Variants in GTF2F1 observed in about 807,000 individuals in gnomAD.
GTF2F1 encodes general transcription factor IIF subunit 1, also known as general transcription factor IIF 74 kDa subunit.
Under a neutral mutation model 63.5 loss-of-function variants are expected in GTF2F1, and 39 were observed. The observed-to-expected ratio is 0.61, with a 90% CI of 0.48 to 0.80. GTF2F1 has a LOEUF of 0.80. GTF2F1 is among the 30% of genes least tolerant of loss of function. The pLI, the probability that GTF2F1 is intolerant of heterozygous loss-of-function variation, is 0.00. For synonymous variants in GTF2F1, 287 were observed against 285.3 expected, an observed-to-expected ratio of 1.01 and a Z score of -0.06; for missense variants, 657 against 718.3, an observed-to-expected ratio of 0.91 and a Z score of 0.97.
In GTF2F1 at chr19:6,381,673, G is replaced by T. The variant is rs368166573; in HGVS notation, c.836+24C>A. 68 of 1,614,052 alleles carry T rather than the reference G, an allele frequency of 4.2e-5. No homozygotes were observed. In the South Asian group the frequency reaches 7.4e-4, roughly 17 times the overall value. ...CGCTCGCGAGGCTGCATGGGGTCTC[G>T]CAGGCGCCTCCCGTCGGCCTCACCT... On this transcript the variant is annotated intron_variant, in intron 7 of 12. Coordinates refer to ENST00000394456, the MANE Select transcript of GTF2F1 (RefSeq NM_002096.3). The surrounding 1 kb of genome is among the most constrained non-coding windows in gnomAD (Gnocchi z 4.1).
intron 3 of GTF2F1, among the ~76,000 whole-genome samples, chr19:6,391,439 G>GTTTTTTTT (rs11340944): frequency 4.6e-5 from 4 of 87,446 alleles, no homozygotes; most frequent in African/African-American, 1.3e-4. Context: ...TGCCATTTCC[G>GTTTTTTTT]TTTTTTTTTT....
rs1568328957 is a variant in GTF2F1 at position 6,381,333 on chromosome 19, C to T, written c.1018+26G>A. 1.3e-6 allele frequency: 2 copies of T among 1,560,042 alleles called. No homozygotes were observed. Among genetic ancestry groups the T allele is most frequent in the Non-Finnish European group, 1.7e-6 (2 of 1,151,942 alleles). ...GGCGCCAGGGCCCGACCCAAGCCTC[C>T]AATATGGGGGCCACATGCGCCGCAC... On this transcript the variant is annotated intron_variant, in intron 9 of 12. Coordinates refer to ENST00000394456, the MANE Select transcript of GTF2F1 (RefSeq NM_002096.3). The surrounding 1 kb of genome is among the most constrained non-coding windows in gnomAD (Gnocchi z 4.1).
rs145481539 is a variant in GTF2F1, at chr19:6,388,820, T to A, written c.326+624A>T. On this transcript the variant is annotated intron_variant, in intron 4 of 12. Transcript: ENST00000394456. ...AAAATTAGCCAGGCATGGTGGGGCG[T>A]GCCTATAGTCCCAGCTACTCAGGAT... is the stretch of plus-strand genomic sequence containing the variant. Among the ~76,000 whole-genome samples the A allele has an allele frequency of 8.4e-3, 1,276 of 152,200 alleles. 17 individuals are homozygous for A. The highest frequency in any genetic ancestry group is 0.029 in the African/African-American group (1,209 of 41,512).
chr19:6,385,562 C>G (rs575153962), intron 5 of GTF2F1, among the ~76,000 whole-genome samples: 1 of 152,114 alleles, frequency 6.6e-6, no homozygotes, highest in East Asian at 1.9e-4. Context: ...AATGATTGAT[C>G]GACTGATTTT....
In GTF2F1 at chr19:6,380,703, G is replaced by A; in HGVS notation, c.1232-13C>T. 1 of 1,608,044 alleles carries A rather than the reference G, an allele frequency of 6.2e-7. No homozygotes were observed. The highest frequency in any genetic ancestry group is 1.7e-4 in the Middle Eastern group (1 of 5,854). The stretch of plus-strand genomic sequence containing the variant: ...CTCACCCGCTTCCCTGTGGGAGTGG[G>A]GTCAGGGCTGAGTCTTGCAGGCAGG... On this transcript the variant is annotated splice_polypyrimidine_tract_variant and intron_variant, in intron 11 of 12. Transcript: ENST00000394456. The surrounding 1 kb of genome is among the most constrained non-coding windows in gnomAD (Gnocchi z 5.3).
In GTF2F1 at chr19:6,381,087, G is replaced by A. The variant is rs199758892; in HGVS notation, c.1092+35C>T. The A allele has an allele frequency of 5.6e-4, 906 of 1,605,346 alleles. 6 individuals are homozygous for A. The African/African-American group carries it at 9.8e-3, about 17-fold the overall frequency. ...GAGGTGGGTGAGTCTGCAAACAGAC[G>A]CCCAGGCCTCCCCCGCCACCGGGCT... is the stretch of plus-strand genomic sequence containing the variant. On this transcript the variant is annotated intron_variant, in intron 10 of 12. Coordinates refer to ENST00000394456, the MANE Select transcript of GTF2F1 (RefSeq NM_002096.3). The surrounding 1 kb of genome is among the most constrained non-coding windows in gnomAD (Gnocchi z 4.1).
rs2092008769 is a variant in GTF2F1, at chr19:6,393,115, G to A, written c.-120C>T. On this transcript the variant is annotated 5_prime_UTR_variant, in exon 1 of 13. Transcript: ENST00000394456. ...GTGTCGGGTCTCTGTGCCTGAGCGA[G>A]GACCCCAACCCTAGGCGCCTCTGGC... 4 of 1,336,296 alleles carry A rather than the reference G, an allele frequency of 3.0e-6. No homozygotes were observed. The highest frequency in any genetic ancestry group is 2.9e-5 in the African/African-American group (2 of 69,150). 82.8% of individuals were successfully genotyped at this position (1,336,296 alleles called of 1,614,324 possible). A position where few individuals can be genotyped will look rare whatever the true frequency, so the allele number is the denominator to read the frequency against.
At chr19:6,390,700 C>T (rs960441816) in intron 3 of GTF2F1, among the ~76,000 whole-genome samples, 8 of 150,486 alleles carry the variant, frequency 5.3e-5, no homozygotes, top group African/African-American at 1.2e-4. Flanking sequence ...ACCAACATGG[C>T]GAAACTTCGT....
chr19:6,391,499 C>T (rs2091997780), intron 3 of GTF2F1, among the ~76,000 whole-genome samples: 1 of 125,004 alleles, frequency 8.0e-6, no homozygotes, highest in Admixed American at 1.1e-4. Flanking sequence ...GTTATCCAGG[C>T]TGGAGTGCAG....
chr19:6,387,279 C>T (rs946219261), intron 5 of GTF2F1, 110 bp downstream of exon 5: 1 of 1,059,286 alleles, frequency 9.4e-7, no homozygotes, highest in Non-Finnish European at 1.4e-6. Flanking sequence ...TGGGGTCTGC[C>T]CTGGTTACCC....
chr19:6,383,443 C>T lies in GTF2F1; in HGVS notation c.550G>A (p.Asp184Asn). ...TCCTCATCCTCGTCCTGGTCCTGAT[C>T]CTTGAGCCGCCGCTGCTGCATGATG... ...FSIMQQRRLK[D>N]QDQDEDEEEK... is the part of the protein sequence containing the mutation. The change falls in exon 6 of 13, where the codon GAT becomes AAT. Residue 184 changes from aspartate to asparagine, a missense_variant. Around this residue, in one of 2 missense-constraint regions of GTF2F1, gnomAD observed 602 missense variants for 625.6 expected, o/e 0.96. Transcript: ENST00000394456. The surrounding 1 kb of genome is among the most constrained non-coding windows in gnomAD (Gnocchi z 4.5). The T allele has an allele frequency of 6.2e-7, 1 of 1,614,194 alleles. No homozygotes were observed. The highest frequency in any genetic ancestry group is 8.5e-7 in the Non-Finnish European group (1 of 1,180,036).
At chr19:6,384,786 T>C (rs1380504551) in intron 5 of GTF2F1, among the ~76,000 whole-genome samples, 3 of 151,984 alleles carry the variant, frequency 2.0e-5, no homozygotes, top group Admixed American at 6.6e-5. Context: ...TCTTTTCTTT[T>C]CTTTTCTTTT....
chr19:6,386,873 G>C (rs942022428), intron 5 of GTF2F1: 1 of 157,368 alleles, frequency 6.4e-6, no homozygotes, highest in Non-Finnish European at 1.4e-5. Context: ...CCCTAGGGTG[G>C]TGGTGGCCCT....
chr19:6,389,422 C>CGGTG (rs763213136), intron 4 of GTF2F1, 22 bp downstream of exon 4: 1 of 1,607,890 alleles, frequency 6.2e-7, no homozygotes, highest in Non-Finnish European at 8.5e-7. Context: ...TAAGCCGGCA[C>CGGTG]CGCCACCGCC....
intron 6 of GTF2F1, among the ~76,000 whole-genome samples, chr19:6,382,130 C>G (rs191954046): frequency 6.6e-6 from 1 of 152,114 alleles, no homozygotes; most frequent in Non-Finnish European, 1.5e-5. Flanking sequence ...CCCTACAGCC[C>G]GGAGCGCACA....
At chr19:6,392,003 A>G in intron 2 of GTF2F1, 29 bp from the exon 3 acceptor site, 1 of 1,129,166 alleles carries the variant, frequency 8.9e-7, no homozygotes, top group South Asian at 1.3e-5. Context: ...GGTAGTGTCA[A>G]TCCAATACAG....
Position 6,381,447 on chromosome 19 carries a change from C to G in GTF2F1, c.930G>C (p.Glu310Asp), listed in dbSNP as rs1468323120. Residue 310 changes from glutamate to aspartate, a missense_variant, in exon 9 of 13, where the codon GAG becomes GAC. Transcript: ENST00000394456. The surrounding 1 kb of genome is among the most constrained non-coding windows in gnomAD (Gnocchi z 4.1). The stretch of plus-strand genomic sequence containing the variant: ...CCTCAGGCGGCTTCTCCTCCTCACT[C>G]TCCTCACTACTGTCGCTCTGCTCAT... ...GVDEQSDSSE[E>D]SEEEKPPEED... The G allele has an allele frequency of 6.2e-7, 1 of 1,609,128 alleles. No individual in the cohort carries two copies.
chr19:6,389,768 GGGA>G (rs924299893), intron 3 of GTF2F1, 131 bp from the exon 4 acceptor site: 9 of 753,678 alleles, frequency 1.2e-5, no homozygotes, highest in East Asian at 5.2e-5. Flanking sequence ...TTGGCAACAA[GGGA>G]GGAGAACGGT....
chr19:6,381,215 G>C lies in GTF2F1; in HGVS notation c.1019-20C>G, dbSNP rs1334633653. 6.3e-7 allele frequency: 1 copy of C among 1,599,546 alleles called. No homozygotes were observed. Among genetic ancestry groups the C allele is most frequent in the African/African-American group, 1.3e-5 (1 of 74,702 alleles). On this transcript the variant is annotated intron_variant, in intron 9 of 12. Coordinates refer to ENST00000394456, the MANE Select transcript of GTF2F1 (RefSeq NM_002096.3). This position sits in a 1 kb window ranked among gnomAD's most constrained non-coding sequence, Gnocchi z 4.1. ...TGCTGTCTGCGGGGCACAGGAAAGG[G>C]GTCAGGGCCAGAGCAACCCCGGGAC...
Sources: gnomAD v4.1 joint callset for allele counts (sites outside exome capture counted in the v4.1 genomes callset) on GRCh38, gnomAD v4.1.1 for gene constraint, gnomAD v4.1.1 regional missense constraint, Gnocchi (gnomAD v3.1) non-coding constraint, MANE v1.5 for transcripts, NCBI Gene and HGNC (gene_info 2026-07-23, HGNC 2026-07-21) for gene names.